The following SAMD3 variants were observed in gnomAD, a reference collection of about 807,000 sequenced individuals.
SAMD3 encodes sterile alpha motif domain containing 3.
Under a neutral mutation model 58.5 loss-of-function variants are expected in SAMD3, and 63 were observed. That is an observed-to-expected ratio of 1.08 (90% CI 0.88 to 1.33). SAMD3 has a LOEUF of 1.33. Among genes scored for constraint, SAMD3 ranks in the 40% most tolerant of loss-of-function variants. The pLI is 0.00. For missense variants in SAMD3, 604 were observed against 608.4 expected, an observed-to-expected ratio of 0.99 and a Z score of 0.08; for synonymous variants, 220 against 210.3, an observed-to-expected ratio of 1.05 and a Z score of -0.40.
At chr6:130,227,969 G>A (rs6569668) in intron 2 of SAMD3, among the ~76,000 whole-genome samples, 19,515 of 152,042 alleles carry the variant, frequency 0.13, 3,246 homozygotes, top group African/African-American at 0.39. Context: ...AGGATGCACA[G>A]CTAATTGAAT....
chr6:130,205,289 A>G (rs537611412), intron 5 of SAMD3, among the ~76,000 whole-genome samples: 1 of 149,390 alleles, frequency 6.7e-6, no homozygotes, highest in Non-Finnish European at 1.5e-5. Context: ...GTTCTATTTT[A>G]TTATATTTTA....
intron 2 of SAMD3, among the ~76,000 whole-genome samples, chr6:130,306,748 C>T (rs1775923725): frequency 6.6e-6 from 1 of 152,170 alleles, no homozygotes; most frequent in East Asian, 1.9e-4. Context: ...ATCACAGTAT[C>T]AAGATTTATA....
chr6:130,341,606 G>A (rs1246445811), intron 1 of SAMD3, among the ~76,000 whole-genome samples: 1 of 152,194 alleles, frequency 6.6e-6, no homozygotes, highest in Non-Finnish European at 1.5e-5. Flanking sequence ...TGTTTGCAGT[G>A]AGAACTTTGA....
At chr6:130,251,913 T>C (rs561468390) in intron 2 of SAMD3, among the ~76,000 whole-genome samples, 1 of 152,264 alleles carries the variant, frequency 6.6e-6, no homozygotes, top group Admixed American at 6.5e-5. Flanking sequence ...ACAGATGTGT[T>C]AGGTCTAGTG....
intron 8 of SAMD3, among the ~76,000 whole-genome samples, chr6:130,165,931 C>A (rs1790700154): frequency 6.6e-6 from 1 of 152,078 alleles, no homozygotes; most frequent in African/African-American, 2.4e-5. Context: ...CATGGGGATC[C>A]AAGGTCCCGT....
intron 2 of SAMD3, among the ~76,000 whole-genome samples, chr6:130,292,836 T>C (rs1775426919): frequency 6.6e-6 from 1 of 151,392 alleles, no homozygotes; most frequent in Non-Finnish European, 1.5e-5. Flanking sequence ...GCCAGGATGG[T>C]CTCGATCTCC....
chr6:130,226,121 C>G (rs1248517201), upstream of SAMD3, among the ~76,000 whole-genome samples: 1 of 152,226 alleles, frequency 6.6e-6, no homozygotes, highest in Admixed American at 6.5e-5. Flanking sequence ...GTCATTCTAC[C>G]TTTCTGGAGA....
chr6:130,273,223 T>C (rs1774631670), intron 2 of SAMD3, among the ~76,000 whole-genome samples: 1 of 152,156 alleles, frequency 6.6e-6, no homozygotes, highest in Admixed American at 6.5e-5. Context: ...TATTGTTATA[T>C]CTTCCTGATG....
At chr6:130,361,030 T>C (rs1024462939) in intron 1 of SAMD3, among the ~76,000 whole-genome samples, 9 of 152,172 alleles carry the variant, frequency 5.9e-5, no homozygotes, top group African/African-American at 1.2e-4. Flanking sequence ...CCAGATTTCA[T>C]ATTCTTCAAA....
chr6:130,220,815 A>G (rs2114861696), intron 1 of SAMD3, among the ~76,000 whole-genome samples: 1 of 152,296 alleles, frequency 6.6e-6, no homozygotes, highest in South Asian at 2.1e-4. Flanking sequence ...TTGAAACAGA[A>G]TAGAAACTTA....
At chr6:130,184,076 A>G in intron 7 of SAMD3, 27 bp downstream of exon 7, 9 of 1,579,552 alleles carry the variant, frequency 5.7e-6, no homozygotes, top group Non-Finnish European at 7.0e-6. Context: ...TCTGAAATTA[A>G]CAGGATGGTG....
intron 2 of SAMD3, among the ~76,000 whole-genome samples, chr6:130,230,058 G>A (rs1462684192): frequency 6.6e-6 from 1 of 152,200 alleles, no homozygotes; most frequent in Non-Finnish European, 1.5e-5. Context: ...TATATCTTAT[G>A]TAATACAATT....
intron 10 of SAMD3, 54 bp downstream of exon 10, chr6:130,145,955 TA>T: frequency 8.9e-7 from 1 of 1,127,698 alleles, no homozygotes; most frequent in Non-Finnish European, 1.2e-6. Flanking sequence ...ATAACTTTTC[TA>T]GATATTCTGA....
At chr6:130,350,443 GC>G (rs1777616457) in intron 1 of SAMD3, among the ~76,000 whole-genome samples, 1 of 152,052 alleles carries the variant, frequency 6.6e-6, no homozygotes, top group Non-Finnish European at 1.5e-5. Flanking sequence ...CAAACAGAGA[GC>G]CAAATCATGA....
chr6:130,156,520 T>G (rs1430990533), intron 8 of SAMD3, among the ~76,000 whole-genome samples: 1 of 152,140 alleles, frequency 6.6e-6, no homozygotes, highest in Non-Finnish European at 1.5e-5. Flanking sequence ...CAAGGGTAGT[T>G]TGACATTGGT....
At position 130,349,280 on chromosome 6, in the gene SAMD3, G is replaced by C. The variant is rs549028790; in HGVS notation, c.-304+15840C>G. Among the ~76,000 whole-genome samples the C allele has an allele frequency of 1.5e-3, 233 of 152,220 alleles. 2 individuals carry two copies. The highest frequency in any genetic ancestry group is 5.3e-3 in the African/African-American group (220 of 41,534). ...ACAAAAAACCCTTCAAAAAATCAAT[G>C]AATCCAGGAGATGGTTTTTTGAAAA... On this transcript the variant is annotated intron_variant, in intron 1 of 13. Coordinates refer to the SAMD3 transcript ENST00000368134.
At chr6:130,282,733 C>T (rs1369752267) in intron 2 of SAMD3, among the ~76,000 whole-genome samples, 2 of 152,132 alleles carry the variant, frequency 1.3e-5, no homozygotes, top group Admixed American at 1.3e-4. Flanking sequence ...TCTGAGAATT[C>T]AAATTCCAAA....
chr6:130,341,751 A>G (rs896516694), intron 1 of SAMD3, among the ~76,000 whole-genome samples: 7 of 152,176 alleles, frequency 4.6e-5, no homozygotes, highest in Non-Finnish European at 1.0e-4. Flanking sequence ...TGTTAAACAC[A>G]TGGAAACATG....
chr6:130,189,308 T>C (rs1012260169), intron 5 of SAMD3, among the ~76,000 whole-genome samples: 3 of 152,126 alleles, frequency 2.0e-5, no homozygotes, highest in Non-Finnish European at 4.4e-5. Context: ...AAGATCTGTA[T>C]GCCATGTGAG....
Sources: gnomAD v4.1 joint callset for allele counts (sites outside exome capture counted in the v4.1 genomes callset) on GRCh38, gnomAD v4.1.1 for gene constraint, MANE v1.5 for transcripts, NCBI Gene and HGNC (gene_info 2026-07-23, HGNC 2026-07-21) for gene names.